The following MAST4 variants were observed in gnomAD, a reference collection of about 807,000 sequenced individuals.
MAST4 encodes the protein microtubule associated serine/threonine kinase family member 4, also known as microtubule-associated serine/threonine-protein kinase 4.
A neutral mutation model predicts 162.7 loss-of-function variants in MAST4; 89 were observed. The observed-to-expected ratio is 0.55, with a 90% CI of 0.46 to 0.65. MAST4 has a LOEUF of 0.65. Ranked by LOEUF, MAST4 falls within the 30% of genes least tolerant of loss-of-function variation. MAST4 has a pLI of 0.00. For missense variants in MAST4, 3,153 were observed against 3,374.0 expected, an observed-to-expected ratio of 0.93 and a Z score of 1.62; for synonymous variants, 1,479 against 1,361.1, an observed-to-expected ratio of 1.09 and a Z score of -1.91.
intron 1 of MAST4, among the ~76,000 whole-genome samples, chr5:66,739,846 G>GTTTTT (rs35980021): frequency 7.4e-6 from 1 of 135,718 alleles, no homozygotes. Flanking sequence ...CATCACTCTT[G>GTTTTT]TTTTTTTTTT....
chr5:67,153,354 G>T, intron 25 of MAST4, 104 bp from the exon 26 acceptor site: 1 of 1,217,500 alleles, frequency 8.2e-7, no homozygotes. Flanking sequence ...TCTATTAGAG[G>T]CTTAGGACAT....
chr5:66,695,685 TAA>T (rs1206314746), intron 1 of MAST4, among the ~76,000 whole-genome samples: 1 of 152,172 alleles, frequency 6.6e-6, no homozygotes, highest in Non-Finnish European at 1.5e-5. Context: ...ATGGTGATTT[TAA>T]AAAGTGAAGA....
At chr5:66,823,539 G>A (rs946893285) in intron 3 of MAST4, among the ~76,000 whole-genome samples, 21 of 152,084 alleles carry the variant, frequency 1.4e-4, no homozygotes, top group African/African-American at 3.1e-4. Context: ...GTGCAGTGGC[G>A]CGATCTCGGC....
rs1488037164 is a variant in MAST4 at position 67,110,115 on chromosome 5, A to T, written c.1374A>T (p.Glu458Asp). The change falls in exon 11 of 29, where the codon GAA becomes GAT. Residue 458 changes from glutamate (E) to aspartate (D), a missense_variant. Around this residue, in one of 7 missense-constraint regions of MAST4, gnomAD observed 360 missense variants for 450.0 expected, o/e 0.80. Coordinates refer to ENST00000403625, the MANE Select transcript of MAST4 (RefSeq NM_001164664.2). The part of the protein sequence containing the change: ...KLLQEAHDRS[E>D]SGELAFIKQL... ...TTTCATAGGCTCATGATCGTTCAGA[A>T]AGTGGAGAATTGGCATTTATTAAAC... is the stretch of plus-strand genomic sequence containing the variant. The T allele has an allele frequency of 6.2e-7, 1 of 1,613,256 alleles. No individual in the cohort carries two copies. Among genetic ancestry groups the T allele is most frequent in the Non-Finnish European group, 8.5e-7 (1 of 1,179,252 alleles).
intron 1 of MAST4, among the ~76,000 whole-genome samples, chr5:66,648,083 TGAGAGAGAGA>T (rs375744842): frequency 1.1e-5 from 1 of 87,068 alleles, no homozygotes; most frequent in Non-Finnish European, 2.4e-5. Flanking sequence ...TGTGTGTGTG[TGAGAGAGAGA>T]GAGAGAGAGA....
In MAST4 at chr5:67,122,869, AAAC is replaced by A. The variant is rs1325495162; in HGVS notation, c.1745+1769_1745+1771del. On this transcript the variant is annotated intron_variant, in intron 14 of 28. Coordinates refer to ENST00000403625, the MANE Select transcript of MAST4 (RefSeq NM_001164664.2). The stretch of plus-strand genomic sequence containing the variant: ...GAAGTTAAACAAGCTGTGAATCAGT[AAAC>A]ACCCAGGATGCAGGCCAAGTCATTA... Among the ~76,000 whole-genome samples the A allele has an allele frequency of 9.2e-5, 14 of 152,334 alleles. No individual in the cohort carries two copies. The East Asian group carries it at 2.5e-3, about 27-fold the overall frequency.
At chr5:67,066,541 A>G (rs1319268353) in intron 5 of MAST4, among the ~76,000 whole-genome samples, 1 of 152,028 alleles carries the variant, frequency 6.6e-6, no homozygotes, top group Non-Finnish European at 1.5e-5. Context: ...ATGTCCTTAA[A>G]TATCTTTTTT....
At chr5:66,854,373 A>C (rs1759525226) in intron 3 of MAST4, among the ~76,000 whole-genome samples, 1 of 152,190 alleles carries the variant, frequency 6.6e-6, no homozygotes, top group Non-Finnish European at 1.5e-5. Flanking sequence ...TCAAACAACA[A>C]ATATTTACCA....
intron 3 of MAST4, among the ~76,000 whole-genome samples, chr5:66,795,160 G>A (rs951595468): frequency 2.6e-5 from 4 of 152,132 alleles, no homozygotes; most frequent in Admixed American, 2.0e-4. Flanking sequence ...ATTGATGTAG[G>A]AACAATTTGA....
rs145417128 is a variant in MAST4, at chr5:66,958,218, T to G, written c.674+58236T>G. 3.6e-3 allele frequency among the ~76,000 whole-genome samples: 544 copies of G among 152,284 alleles called. 3 individuals carry two copies. Among genetic ancestry groups the G allele is most frequent in the Middle Eastern group, 6.8e-3 (2 of 294 alleles). ...AGTACTTGAAAATTAGAATTCTTGA[T>G]AAAATAAAGCTCTAATTTGTTCTAG... On this transcript the variant is annotated intron_variant, in intron 4 of 28. Coordinates refer to ENST00000403625, the MANE Select transcript of MAST4 (RefSeq NM_001164664.2).
intron 4 of MAST4, among the ~76,000 whole-genome samples, chr5:66,976,436 C>T (rs888614438): frequency 6.6e-6 from 1 of 152,216 alleles, no homozygotes; most frequent in Non-Finnish European, 1.5e-5. Context: ...AAGCACAATA[C>T]TGGGGAGATG....
rs370871914 is a variant in MAST4 at position 67,122,489 on chromosome 5, A to G, written c.1745+1387A>G. Among the ~76,000 whole-genome samples the G allele has an allele frequency of 2.6e-5, 4 of 152,214 alleles. No individual in the cohort carries two copies. The East Asian group carries it at 7.7e-4, about 29-fold the overall frequency. On this transcript the variant is annotated intron_variant, in intron 14 of 28. Transcript: ENST00000403625. ...TTTATTTTTCAAGGACCTCATTGAA[A>G]CTTTTCTACCTAGGAAGATGGTTCT...
intron 1 of MAST4, among the ~76,000 whole-genome samples, chr5:66,684,947 G>A (rs1748549624): frequency 6.6e-6 from 1 of 152,078 alleles, no homozygotes; most frequent in Non-Finnish European, 1.5e-5. Context: ...ATGGCTATGG[G>A]GTTGGGCATG....
At chr5:66,791,232 C>T (rs1442755988) in intron 3 of MAST4, among the ~76,000 whole-genome samples, 1 of 152,208 alleles carries the variant, frequency 6.6e-6, no homozygotes, top group East Asian at 1.9e-4. Context: ...CCACGTTGGC[C>T]GGGCTCGTCA....
At chr5:66,835,285 T>G (rs1281545181) in intron 3 of MAST4, among the ~76,000 whole-genome samples, 1 of 152,138 alleles carries the variant, frequency 6.6e-6, no homozygotes, top group Non-Finnish European at 1.5e-5. Flanking sequence ...GTGAACCAGT[T>G]TACTTCTTTT....
At chr5:66,837,257 C>T (rs1448929045) in intron 3 of MAST4, among the ~76,000 whole-genome samples, 3 of 152,030 alleles carry the variant, frequency 2.0e-5, no homozygotes, top group Admixed American at 1.3e-4. Flanking sequence ...TTGTAGTTAA[C>T]GTTGAGAACG....
At chr5:67,087,194 A>G (rs760053375) in intron 5 of MAST4, among the ~76,000 whole-genome samples, 5 of 152,110 alleles carry the variant, frequency 3.3e-5, no homozygotes, top group African/African-American at 4.8e-5. Context: ...AGGGTCAGTC[A>G]TTTTCCCAAT....
At chr5:67,006,067 T>C (rs925352035) in intron 4 of MAST4, among the ~76,000 whole-genome samples, 5 of 152,262 alleles carry the variant, frequency 3.3e-5, no homozygotes, top group African/African-American at 1.2e-4. Context: ...AATGTGGATA[T>C]GTGATACTTT....
chr5:67,145,227 T>C lies in MAST4; in HGVS notation c.2942T>C (p.Ile981Thr), dbSNP rs773843121. The change falls in exon 23 of 29, where the codon ATT becomes ACT. Residue 981 changes from isoleucine to threonine, a missense_variant. By Grantham distance (89) the Ile-to-Thr change is moderately conservative (BLOSUM62 -1). Transcript: ENST00000403625. ...LSSGLLPKLAISTEGEQDEAA... is the reference protein window; with the variant it reads ...LSSGLLPKLATSTEGEQDEAA... ...TCTGGCCTACTTCCCAAACTGGCTA[T>C]TTCAACAGAGGGAGAGCAAGATGAA... The C allele has an allele frequency of 6.2e-7, 1 of 1,613,794 alleles. No individual in the cohort carries two copies. The highest frequency in any genetic ancestry group is 8.5e-7 in the Non-Finnish European group (1 of 1,179,808).
Sources: gnomAD v4.1 joint callset for allele counts (sites outside exome capture counted in the v4.1 genomes callset) on GRCh38, gnomAD v4.1.1 for gene constraint, gnomAD v4.1.1 regional missense constraint, MANE v1.5 for transcripts, NCBI Gene and HGNC (gene_info 2026-07-23, HGNC 2026-07-21) for gene names.